Variants in CEP63 observed in about 807,000 individuals in gnomAD.
The protein encoded by CEP63 is centrosomal protein 63, also known as centrosomal protein of 63 kDa.
Under a neutral mutation model 89.1 loss-of-function variants are expected in CEP63, and 84 were observed. The ratio of observed to expected loss-of-function variants is 0.94; its 90% CI spans 0.79 to 1.13. The LOEUF (loss-of-function observed/expected upper bound fraction) is 1.13, where lower values mean the gene tolerates loss of function less well. Ranked by LOEUF, CEP63 falls within the 50% of genes most tolerant of loss-of-function variation. The probability of loss-of-function intolerance (pLI) is 0.00; values close to 1 mark genes in which losing one functional copy is unlikely to be tolerated. For missense variants in CEP63, 838 were observed against 813.3 expected (o/e 1.03, Z -0.37); for synonymous variants, 267 against 272.5 (o/e 0.98, Z 0.20).
At chr3:134,781,591 A>T in the CEP63 span, among the ~76,000 whole-genome samples, 1 of 151,618 alleles carries the variant, frequency 6.6e-6, no homozygotes, top group Admixed American at 6.6e-5. Context: ...TTTGTACACC[A>T]AGCCTCATTT....
chr3:134,699,189 C>G, the CEP63 span, among the ~76,000 whole-genome samples: 1 of 152,212 alleles, frequency 6.6e-6, no homozygotes, highest in South Asian at 2.1e-4. Flanking sequence ...TCCCCTGTGC[C>G]TAGCACCATT....
At chr3:134,655,237 G>A in the CEP63 span, among the ~76,000 whole-genome samples, 1 of 152,210 alleles carries the variant, frequency 6.6e-6, no homozygotes, top group Non-Finnish European at 1.5e-5. Flanking sequence ...GTTGGAGATG[G>A]AGTATAGAAG....
chr3:134,695,606 A>C, the CEP63 span, among the ~76,000 whole-genome samples: 1 of 152,202 alleles, frequency 6.6e-6, no homozygotes, highest in Non-Finnish European at 1.5e-5. Context: ...GAGGCACAGC[A>C]GTAAGGTCTT....
chr3:134,738,365 G>A, the CEP63 span, among the ~76,000 whole-genome samples: 1 of 151,862 alleles, frequency 6.6e-6, no homozygotes, highest in Non-Finnish European at 1.5e-5. Flanking sequence ...GAATTGTGCT[G>A]GTATAAACCT....
At chr3:134,752,342 C>G in the CEP63 span, among the ~76,000 whole-genome samples, 1 of 152,126 alleles carries the variant, frequency 6.6e-6, no homozygotes, top group African/African-American at 2.4e-5. Context: ...CACAACCAGC[C>G]CTGTGCCTGA....
At chr3:134,766,498 C>A in the CEP63 span, among the ~76,000 whole-genome samples, 1 of 152,254 alleles carries the variant, frequency 6.6e-6, no homozygotes, top group Non-Finnish European at 1.5e-5. Context: ...TGCCTGTCAA[C>A]CTGGATCTTT....
the CEP63 span, among the ~76,000 whole-genome samples, chr3:134,744,036 G>A: frequency 2.4e-4 from 36 of 152,298 alleles, 1 homozygote; most frequent in East Asian, 7.0e-3. Flanking sequence ...TCTCTGTGGA[G>A]TGTGATATTC....
At position 134,523,516 on chromosome 3, in the gene CEP63, GT is replaced by G. The variant is rs1177169303; in HGVS notation, c.223-8325del. On this transcript the variant is annotated intron_variant, in intron 3 of 14. Transcript: ENST00000675561. ...GGGTTGTCTTCCAGAGTTTTTTATA[GT>G]TTTGGGCTTTACACTTAAGTCTTTA... Among the ~76,000 whole-genome samples, 10 of 152,106 alleles carry G rather than the reference GT, an allele frequency of 6.6e-5. No homozygotes were observed. In the East Asian group the frequency reaches 1.7e-3, roughly 26 times the overall value.
the CEP63 span, among the ~76,000 whole-genome samples, chr3:134,692,148 T>C: frequency 6.6e-6 from 1 of 152,104 alleles, no homozygotes; most frequent in Admixed American, 6.5e-5. Context: ...CTAGGGTACA[T>C]GTGCACAACG....
At chr3:134,716,443 G>A in the CEP63 span, among the ~76,000 whole-genome samples, 2 of 152,174 alleles carry the variant, frequency 1.3e-5, no homozygotes, top group African/African-American at 4.8e-5. Flanking sequence ...GTTTTGCAGG[G>A]AAGAGGAAGT....
downstream of CEP63, among the ~76,000 whole-genome samples, chr3:134,566,335 A>G (rs1446195463): frequency 6.6e-6 from 1 of 152,124 alleles, no homozygotes; most frequent in Admixed American, 6.5e-5. Context: ...AATAATAGTA[A>G]TATAATAATA....
chr3:134,751,836 A>G, the CEP63 span, among the ~76,000 whole-genome samples: 1 of 152,176 alleles, frequency 6.6e-6, no homozygotes, highest in Admixed American at 6.5e-5. Context: ...CAACAACTCT[A>G]TAAGACTCCA....
At chr3:134,623,953 C>T in the CEP63 span, among the ~76,000 whole-genome samples, 5 of 152,148 alleles carry the variant, frequency 3.3e-5, no homozygotes, top group Non-Finnish European at 7.3e-5. Flanking sequence ...CAGCTCTTAA[C>T]GAAATCTGAT....
the CEP63 span, among the ~76,000 whole-genome samples, chr3:134,769,820 C>G: frequency 6.6e-6 from 1 of 152,218 alleles, no homozygotes; most frequent in Admixed American, 6.5e-5. Flanking sequence ...CCTACTTATG[C>G]TTACCTCGAA....
the CEP63 span, among the ~76,000 whole-genome samples, chr3:134,597,563 C>T: frequency 6.6e-6 from 1 of 152,236 alleles, no homozygotes; most frequent in Non-Finnish European, 1.5e-5. Flanking sequence ...TTAGCACCTT[C>T]AAGGTCTGCC....
chr3:134,716,386 A>G, the CEP63 span, among the ~76,000 whole-genome samples: 5,102 of 152,288 alleles, frequency 0.034, 274 homozygotes, highest in African/African-American at 0.12. Context: ...TCTTTCTGAC[A>G]TCATAGTCCT....
chr3:134,723,214 G>A, the CEP63 span, among the ~76,000 whole-genome samples: 2 of 152,172 alleles, frequency 1.3e-5, no homozygotes, highest in Non-Finnish European at 2.9e-5. Flanking sequence ...CTCCTTATGA[G>A]TGGAGTGTAT....
At chr3:134,550,365 A>T (rs575700892) in intron 11 of CEP63, 105 bp downstream of exon 11, 1 of 1,118,518 alleles carries the variant, frequency 8.9e-7, no homozygotes, top group East Asian at 2.6e-5. Context: ...TTTTTATTAG[A>T]TACCTGCTTT....
the CEP63 span, among the ~76,000 whole-genome samples, chr3:134,666,691 C>T: frequency 2.0e-5 from 3 of 152,190 alleles, no homozygotes; most frequent in South Asian, 2.1e-4. Context: ...CAGTCCCAGC[C>T]ACTCTGCACT....
Sources: allele counts gnomAD v4.1 joint callset (sites outside exome capture counted in the v4.1 genomes callset), GRCh38; gene constraint gnomAD v4.1.1; transcripts MANE v1.5; gene names NCBI Gene and HGNC (gene_info 2026-07-23, HGNC 2026-07-21).